SSBP3: variants seen among roughly 807,000 people sequenced by gnomAD.
The protein encoded by SSBP3 is single-stranded DNA-binding protein 3.
In SSBP3, 5 loss-of-function variants were observed where a neutral mutation model predicts 69.6. The ratio of observed to expected loss-of-function variants is 0.07; its 90% CI spans 0.04 to 0.15. SSBP3 has a LOEUF of 0.15. Among genes scored for constraint, SSBP3 ranks in the 10% least tolerant of loss-of-function variants. The pLI is 1.00. For synonymous variants in SSBP3, 196 were observed against 193.4 expected, an observed-to-expected ratio of 1.01 and a Z score of -0.11; for missense variants, 312 against 534.0, an observed-to-expected ratio of 0.58 and a Z score of 4.10.
At chr1:54,227,181 A>AGGC (rs1644299082) in intron 17 of SSBP3, 21 bp from the exon 18 acceptor site, 1 of 450,068 alleles carries the variant, frequency 2.2e-6, no homozygotes, top group African/African-American at 3.8e-5. Context: ...GAAGCAGAGA[A>AGGC]GGGGGGGGGG....
At position 54,261,700 on chromosome 1, in the gene SSBP3, A is replaced by G. The variant is rs1645020020; in HGVS notation, c.367-3551T>C. 4.6e-5 allele frequency among the ~76,000 whole-genome samples: 7 copies of G among 152,140 alleles called. No homozygotes were observed. The South Asian group carries it at 1.2e-3, about 27-fold the overall frequency. Reference sequence around the variant, plus strand: ...CAGCAGGCCCAGCTCCATTTAGAACATCTCCCTCCATGAGAGCTGGATGCC... The same window carrying G: ...CAGCAGGCCCAGCTCCATTTAGAACGTCTCCCTCCATGAGAGCTGGATGCC... On this transcript the variant is annotated intron_variant, in intron 5 of 17. Transcript: ENST00000610401.
intron 5 of SSBP3, among the ~76,000 whole-genome samples, chr1:54,261,737 A>G (rs1263959685): frequency 6.6e-6 from 1 of 152,184 alleles, no homozygotes; most frequent in Non-Finnish European, 1.5e-5. Flanking sequence ...TCGGTTCCAG[A>G]GGCTGCCTAA....
At chr1:54,399,901 C>T (rs957225854) in intron 4 of SSBP3, among the ~76,000 whole-genome samples, 7 of 152,180 alleles carry the variant, frequency 4.6e-5, no homozygotes, top group Admixed American at 1.3e-4. Flanking sequence ...ATCACTCCAT[C>T]CCTCCTCCCA....
intron 4 of SSBP3, among the ~76,000 whole-genome samples, chr1:54,358,915 T>C (rs1178520024): frequency 1.3e-5 from 2 of 152,092 alleles, no homozygotes; most frequent in African/African-American, 4.8e-5. Context: ...AGTTAATACC[T>C]ACCACAGAGC....
intron 5 of SSBP3, among the ~76,000 whole-genome samples, chr1:54,263,561 C>T (rs1332007283): frequency 2.6e-5 from 4 of 152,252 alleles, no homozygotes; most frequent in African/African-American, 7.2e-5. Context: ...TGGCCACTCG[C>T]CTGCCCTTTA....
intron 9 of SSBP3, among the ~76,000 whole-genome samples, chr1:54,244,742 C>T (rs1420687419): frequency 6.6e-6 from 1 of 152,190 alleles, no homozygotes; most frequent in East Asian, 1.9e-4. Context: ...GTCATACATG[C>T]CTTGCTTCCC....
intron 1 of SSBP3, chr1:54,412,891 T>A (rs1650028811): frequency 6.6e-6 from 1 of 152,106 alleles, no homozygotes; most frequent in Non-Finnish European, 1.5e-5. Context: ...ATTTTTGTAT[T>A]TTTAGTAGAG....
intron 13 of SSBP3, among the ~76,000 whole-genome samples, chr1:54,240,219 G>A (rs578128571): frequency 6.9e-4 from 105 of 152,006 alleles, no homozygotes; most frequent in African/African-American, 2.5e-3. Flanking sequence ...AGCACTTTGG[G>A]AGGCTGAGGC....
intron 4 of SSBP3, among the ~76,000 whole-genome samples, chr1:54,397,946 T>C (rs1468932622): frequency 6.6e-6 from 1 of 152,194 alleles, no homozygotes; most frequent in Non-Finnish European, 1.5e-5. Flanking sequence ...TCCGTTCAAT[T>C]CTGTTAAGTT....
At chr1:54,382,731 A>C (rs1327069970) in intron 4 of SSBP3, among the ~76,000 whole-genome samples, 1 of 152,184 alleles carries the variant, frequency 6.6e-6, no homozygotes, top group African/African-American at 2.4e-5. Context: ...CATGCCTATA[A>C]TCCCAGCACT....
intron 9 of SSBP3, among the ~76,000 whole-genome samples, chr1:54,243,521 A>G (rs1644679228): frequency 6.6e-6 from 1 of 152,200 alleles, no homozygotes; most frequent in Non-Finnish European, 1.5e-5. Flanking sequence ...CATTCAGTGC[A>G]TTTTCAGGAG....
chr1:54,308,641 A>G (rs953836339), intron 4 of SSBP3, among the ~76,000 whole-genome samples: 2 of 151,068 alleles, frequency 1.3e-5, no homozygotes, highest in African/African-American at 4.9e-5. Flanking sequence ...GGTGGCGCAC[A>G]CCTGTAATCC....
chr1:54,282,209 C>A (rs1265056622), intron 4 of SSBP3, among the ~76,000 whole-genome samples: 1 of 152,216 alleles, frequency 6.6e-6, no homozygotes, highest in Non-Finnish European at 1.5e-5. Context: ...TGGCCCTGGG[C>A]CGTGTCTGCC....
rs904699220 is a variant in SSBP3, at chr1:54,392,667, G to A, written c.276+9194C>T. ...AGTACTTAGCACAGTTGATGCCTGGGCAGGAATCAAATCCTTCTCACTTCT... is the reference window on the plus strand; with the variant it reads ...AGTACTTAGCACAGTTGATGCCTGGACAGGAATCAAATCCTTCTCACTTCT... On this transcript the variant is annotated intron_variant, in intron 4 of 17. Coordinates refer to ENST00000610401, the Ensembl canonical transcript of SSBP3. Among the ~76,000 whole-genome samples the A allele has an allele frequency of 1.6e-4, 25 of 152,186 alleles. 1 individual carries two copies. Among genetic ancestry groups the A allele is most frequent in the Non-Finnish European group, 4.4e-5 (3 of 68,038 alleles).
At chr1:54,260,017 G>A (rs57165664) in intron 5 of SSBP3, among the ~76,000 whole-genome samples, 1 of 152,324 alleles carries the variant, frequency 6.6e-6, no homozygotes, top group East Asian at 1.9e-4. Flanking sequence ...TGTGATAATG[G>A]CACTGATTAG....
chr1:54,396,212 A>C (rs1327363003), intron 4 of SSBP3, among the ~76,000 whole-genome samples: 3 of 146,638 alleles, frequency 2.0e-5, no homozygotes, highest in Non-Finnish European at 4.6e-5. Flanking sequence ...AAAAAAAAAA[A>C]AAAAAAACAA....
intron 9 of SSBP3, among the ~76,000 whole-genome samples, chr1:54,247,526 G>C (rs1644754680): frequency 6.6e-6 from 1 of 152,186 alleles, no homozygotes; most frequent in African/African-American, 2.4e-5. Flanking sequence ...CTGCTCAGTG[G>C]CACTGAGCTT....
intron 9 of SSBP3, among the ~76,000 whole-genome samples, chr1:54,246,330 G>A (rs906266976): frequency 1.3e-5 from 2 of 152,152 alleles, no homozygotes; most frequent in African/African-American, 2.4e-5. Flanking sequence ...GCTGCTCCAG[G>A]ACAAGCAGCT....
At chr1:54,233,356 C>CT (rs2100578700) in intron 14 of SSBP3, among the ~76,000 whole-genome samples, 1 of 151,562 alleles carries the variant, frequency 6.6e-6, no homozygotes, top group South Asian at 2.1e-4. Flanking sequence ...GCCGCCCCGT[C>CT]TGAGAAGTGA....
Sources: gnomAD v4.1 joint callset for allele counts (sites outside exome capture counted in the v4.1 genomes callset) on GRCh38, gnomAD v4.1.1 for gene constraint, MANE v1.5 for transcripts, NCBI Gene and HGNC (gene_info 2026-07-23, HGNC 2026-07-21) for gene names.